The following EGR3 variants were observed in gnomAD, a reference collection of about 807,000 sequenced individuals.
EGR3 encodes the protein early growth response protein 3.
A neutral mutation model predicts 22.4 loss-of-function variants in EGR3; 4 were observed. The ratio of observed to expected loss-of-function variants is 0.18; its 90% confidence interval spans 0.09 to 0.41. EGR3 has a LOEUF of 0.41. Among genes scored for constraint, EGR3 ranks in the 10% least tolerant of loss-of-function variants. The probability of loss-of-function intolerance (pLI) is 1.00; values close to 1 mark genes in which losing one functional copy is unlikely to be tolerated. For missense variants in EGR3, 315 were observed against 541.3 expected (o/e 0.58, Z 4.15); for synonymous variants, 219 against 226.8 (o/e 0.97, Z 0.31).
intron 1 of EGR3, 83 bp from the exon 2 acceptor site, chr8:22,691,565 G>A: frequency 9.1e-6 from 14 of 1,538,024 alleles, no homozygotes; most frequent in Non-Finnish European, 1.2e-5. Flanking sequence ...TTGCCCAGGT[G>A]CGGAGGGTGC....
chr8:22,693,016 G>A lies in EGR3; in HGVS notation c.-72C>T. The A allele has an allele frequency of 1.3e-6, 2 of 1,514,988 alleles. No homozygotes were observed. The highest frequency in any genetic ancestry group is 8.8e-7 in the Non-Finnish European group (1 of 1,132,314). 93.8% of individuals were successfully genotyped at this position (1,514,988 alleles called of 1,614,324 possible). On this transcript the variant is annotated 5_prime_UTR_variant, in exon 1 of 2. Coordinates refer to ENST00000317216, the MANE Select transcript of EGR3 (RefSeq NM_004430.3). ...CGCTCGCTCCTAACGCAGCTTCCAG[G>A]CAAGCGGCATCCGAGAGGCGATCCG...
chr8:22,691,930 T>TCGG, intron 1 of EGR3: 1 of 1,232,238 alleles, frequency 8.1e-7, no homozygotes, highest in Non-Finnish European at 1.0e-6. Flanking sequence ...TCCCCGGCGA[T>TCGG]GCCCCCCACG....
chr8:22,692,519 C>G lies in EGR3; in HGVS notation c.154+272G>C. 2.1e-6 allele frequency: 3 copies of G among 1,425,730 alleles called. No homozygotes were observed. The highest frequency in any genetic ancestry group is 2.7e-6 in the Non-Finnish European group (3 of 1,094,044). The allele number at this position is 1,425,730 out of a possible 1,614,324, so 88.3% of individuals were successfully genotyped here. ...CCTACCTCCCTCCGGTCGGCGGCTG[C>G]CCCCACCCGGGAGAACCGAAGCCTC... is the stretch of plus-strand genomic sequence containing the variant. On this transcript the variant is annotated intron_variant, in intron 1 of 1. Coordinates refer to ENST00000317216, the MANE Select transcript of EGR3 (RefSeq NM_004430.3). This position sits in a 1 kb window ranked among gnomAD's most constrained non-coding sequence, Gnocchi z 6.2.
chr8:22,690,095 G>T lies in EGR3; in HGVS notation c.*378C>A. 3.8e-6 allele frequency: 1 copy of T among 262,772 alleles called. No individual in the cohort carries two copies. The highest frequency in any genetic ancestry group is 7.2e-6 in the Non-Finnish European group (1 of 138,056). 16.3% of individuals were successfully genotyped at this position (262,772 alleles called of 1,614,324 possible). ...AGGGGGTATAGAGGGAGACGTGGGGGAAACAATGAGGTGTTTGGGTCGGGC... is the reference window on the plus strand; with the variant it reads ...AGGGGGTATAGAGGGAGACGTGGGGTAAACAATGAGGTGTTTGGGTCGGGC... On this transcript the variant is annotated 3_prime_UTR_variant, in exon 2 of 2. Transcript: ENST00000317216.
rs1804004662 is a variant in EGR3 at position 22,692,456 on chromosome 8, C to T, written c.154+335G>A. ...CTTGCGCGTAGCCCGGCGATCGGGC[C>T]CCCTGCGTGGTGAGGGAGAACCCCA... On this transcript the variant is annotated intron_variant, in intron 1 of 1. Coordinates refer to ENST00000317216, the MANE Select transcript of EGR3 (RefSeq NM_004430.3). This position sits in a 1 kb window ranked among gnomAD's most constrained non-coding sequence, Gnocchi z 6.2. 7.0e-7 allele frequency: 1 copy of T among 1,423,536 alleles called. No individual in the cohort carries two copies. Among genetic ancestry groups the T allele is most frequent in the Non-Finnish European group, 9.1e-7 (1 of 1,093,616 alleles). The allele number at this position is 1,423,536 out of a possible 1,614,324, so 88.2% of individuals were successfully genotyped here. A position where few individuals can be genotyped will look rare whatever the true frequency, so the allele number is the denominator to read the frequency against.
rs1228159709 is a variant in EGR3, at chr8:22,690,497, G to T, written c.1140C>A (p.Ala380=). 1.9e-6 allele frequency: 3 copies of T among 1,608,200 alleles called. No homozygotes were observed. Among genetic ancestry groups the T allele is most frequent in the Non-Finnish European group, 2.5e-6 (3 of 1,176,940 alleles). The change falls in exon 2 of 2, where the codon GCC becomes GCA. Residue 380 remains alanine (A), a synonymous_variant. Transcript: ENST00000317216. ...CTCAGGCGCAGGTGGTGACCACGGG[G>T]GCCAGCGACACGGGGGGCGCCGAGG... The part of the protein sequence containing the change: ...SASSAPPVSL[A]PVVTTCA
intron 1 of EGR3, 157 bp from the exon 2 acceptor site, chr8:22,691,639 T>C: frequency 1.0e-6 from 1 of 962,700 alleles, no homozygotes. Flanking sequence ...AAGCGGGCGG[T>C]GCCGCGCTCC....
Position 22,691,436 on chromosome 8 carries a change from T to C in EGR3, c.201A>G (p.Glu67=), listed in dbSNP as rs755521039. The change falls in exon 2 of 2, where the codon GAA becomes GAG. Residue 67 remains glutamate, a synonymous_variant. Transcript: ENST00000317216. ...GCTGGAAGGAGCCGGAGTAAGAGAGTTCCGGGTTGGGCTTCTCGTTGGTCA... is the reference window on the plus strand; with the variant it reads ...GCTGGAAGGAGCCGGAGTAAGAGAGCTCCGGGTTGGGCTTCTCGTTGGTCA... The part of the protein sequence containing the change: ...IGLTNEKPNP[E]LSYSGSFQPA... 6.2e-7 allele frequency: 1 copy of C among 1,613,690 alleles called. No homozygotes were observed. Among genetic ancestry groups the C allele is most frequent in the East Asian group, 2.2e-5 (1 of 44,840 alleles).
chr8:22,691,900 C>A, intron 1 of EGR3: 1 of 1,229,920 alleles, frequency 8.1e-7, no homozygotes, highest in Non-Finnish European at 1.0e-6. Flanking sequence ...CTGTCCGCTC[C>A]AGGACGCCGC....
In EGR3 at chr8:22,692,247, GTC is replaced by G; in HGVS notation, c.154+542_154+543del. 2.1e-6 allele frequency: 3 copies of G among 1,442,478 alleles called. No individual in the cohort carries two copies. The highest frequency in any genetic ancestry group is 9.1e-7 in the Non-Finnish European group (1 of 1,100,928). 89.4% of individuals were successfully genotyped at this position (1,442,478 alleles called of 1,614,324 possible). ...GGTGAACCCCCTCCTTCTCCCCGCCGTCCCCACACCCCCACGGCTTTGCTGAA... is the reference window on the plus strand; with the variant it reads ...GGTGAACCCCCTCCTTCTCCCCGCCGCCCACACCCCCACGGCTTTGCTGAA... On this transcript the variant is annotated intron_variant, in intron 1 of 1. Transcript: ENST00000317216. The surrounding 1 kb of genome is among the most constrained non-coding windows in gnomAD (Gnocchi z 6.2).
chr8:22,691,256 G>C lies in EGR3; in HGVS notation c.381C>G (p.Ala127=). The change falls in exon 2 of 2, where the codon GCC becomes GCG. Residue 127 remains alanine (A), a synonymous_variant. Coordinates refer to ENST00000317216, the MANE Select transcript of EGR3 (RefSeq NM_004430.3). ...CACCCTGCGGTGGCTGCACCATGCT[G>C]GCCGTGGACGTCTGCGTGCTGAGCG... The part of the protein sequence containing the change: ...SGALSTQTST[A]SMVQPPQGDV... 1 of 1,613,994 alleles carries C rather than the reference G, an allele frequency of 6.2e-7. No homozygotes were observed. Among genetic ancestry groups the C allele is most frequent in the African/African-American group, 1.3e-5 (1 of 75,060 alleles).
chr8:22,690,149 C>T lies in EGR3; in HGVS notation c.*324G>A. 1 of 396,148 alleles carries T rather than the reference C, an allele frequency of 2.5e-6. No homozygotes were observed. Among genetic ancestry groups the T allele is most frequent in the Middle Eastern group, 6.8e-4 (1 of 1,480 alleles). 24.5% of individuals were successfully genotyped at this position (396,148 alleles called of 1,614,324 possible). A position where few individuals can be genotyped will look rare whatever the true frequency, so the allele number is the denominator to read the frequency against. On this transcript the variant is annotated 3_prime_UTR_variant, in exon 2 of 2. Transcript: ENST00000317216. ...GGTTGGATGGGCTCCGCCTTCAGTC[C>T]CTTGCAGGTCCTTGGCGCGGCCCGG...
rs1803815658 is a variant in EGR3, at chr8:22,687,742, AAT to A, written c.*2729_*2730del. The A allele has an allele frequency of 6.6e-6, 1 of 152,668 alleles. No homozygotes were observed. The highest frequency in any genetic ancestry group is 6.5e-5 in the Admixed American group (1 of 15,280). The allele number at this position is 152,668 out of a possible 1,614,324, so 9.5% of individuals were successfully genotyped here. On this transcript the variant is annotated 3_prime_UTR_variant, in exon 2 of 2. Coordinates refer to ENST00000317216, the MANE Select transcript of EGR3 (RefSeq NM_004430.3). This position sits in a 1 kb window ranked among gnomAD's most constrained non-coding sequence, Gnocchi z 4.7. ...AGGCCGGCTGATTGTCAGCAAACAC[AAT>A]ATATTTACTGTATTAGCATTTGCTC...
In EGR3 at chr8:22,693,399, C is replaced by T; in HGVS notation, c.-455G>A. The T allele has an allele frequency of 5.9e-6, 1 of 169,332 alleles. No individual in the cohort carries two copies. Among genetic ancestry groups the T allele is most frequent in the Non-Finnish European group, 1.2e-5 (1 of 82,478 alleles). The allele number at this position is 169,332 out of a possible 1,614,324, so 10.5% of individuals were successfully genotyped here. A position where few individuals can be genotyped will look rare whatever the true frequency, so the allele number is the denominator to read the frequency against. On this transcript the variant is annotated 5_prime_UTR_variant, in exon 1 of 2. Transcript: ENST00000317216. ...CCGCCGCCGCCGCCGCCGCCGCCGC[C>T]TCTGCCGCCGCTGCCGCCGCTGCTA...
rs1803995777 is a variant in EGR3 at position 22,692,222 on chromosome 8, G to A, written c.154+569C>T. On this transcript the variant is annotated intron_variant, in intron 1 of 1. Coordinates refer to ENST00000317216, the MANE Select transcript of EGR3 (RefSeq NM_004430.3). This position sits in a 1 kb window ranked among gnomAD's most constrained non-coding sequence, Gnocchi z 6.2. ...CCCCGTGGCAGGCCCTCGCCCCGCG[G>A]GTGAACCCCCTCCTTCTCCCCGCCG... 1 of 1,439,546 alleles carries A rather than the reference G, an allele frequency of 6.9e-7. No individual in the cohort carries two copies. The highest frequency in any genetic ancestry group is 2.8e-5 in the East Asian group (1 of 35,128). The allele number at this position is 1,439,546 out of a possible 1,614,324, so 89.2% of individuals were successfully genotyped here.
rs770711526 is a variant in EGR3 at position 22,692,676 on chromosome 8, C to CCCAT, written c.154+111_154+114dup. 0.048 allele frequency: 65,299 copies of CCCAT among 1,373,034 alleles called. 1,733 individuals carry two copies. The highest frequency in any genetic ancestry group is 0.1 in the African/African-American group (6,657 of 66,728). 85.1% of individuals were successfully genotyped at this position (1,373,034 alleles called of 1,614,324 possible). A position where few individuals can be genotyped will look rare whatever the true frequency, so the allele number is the denominator to read the frequency against. ...ATCCATTTATCTATCCACCCATCCA[C>CCCAT]CCATCCATCCATCCATCCATCCATC... On this transcript the variant is annotated intron_variant, in intron 1 of 1. Transcript: ENST00000317216. This position sits in a 1 kb window ranked among gnomAD's most constrained non-coding sequence, Gnocchi z 6.2.
Position 22,692,849 on chromosome 8 carries a change from C to A in EGR3, c.96G>T (p.Ala32=). Residue 32 remains alanine (A), a synonymous_variant, in exon 1 of 2, where the codon GCG becomes GCT. Coordinates refer to ENST00000317216, the MANE Select transcript of EGR3 (RefSeq NM_004430.3). The surrounding 1 kb of genome is among the most constrained non-coding windows in gnomAD (Gnocchi z 6.2). The part of the protein sequence containing the change: ...DNLYPEEIPS[A]LNLFSGSSDS... ...CGCTGCTGCCGGAGAAGAGGTTGAG[C>A]GCGCTGGGGATCTCCTCGGGGTACA... is the stretch of plus-strand genomic sequence containing the variant. The A allele has an allele frequency of 6.2e-7, 1 of 1,613,434 alleles. No individual in the cohort carries two copies. The highest frequency in any genetic ancestry group is 8.5e-7 in the Non-Finnish European group (1 of 1,179,854).
chr8:22,691,269 T>C lies in EGR3; in HGVS notation c.368A>G (p.Gln123Arg). The change falls in exon 2 of 2, where the codon CAG (glutamine) becomes CGG (arginine). Residue 123 changes from glutamine (Q) to arginine (R), a missense_variant. Gln to Arg is a conservative substitution (Grantham distance 43). Transcript: ENST00000317216. ...CTGCACCATGCTGGCCGTGGACGTCTGCGTGCTGAGCGCCCCTGAAGCCGG... is the reference window on the plus strand; with the variant it reads ...CTGCACCATGCTGGCCGTGGACGTCCGCGTGCTGAGCGCCCCTGAAGCCGG... ...VPPASGALST[Q>R]TSTASMVQPP... The C allele has an allele frequency of 6.2e-7, 1 of 1,613,994 alleles. No homozygotes were observed. The highest frequency in any genetic ancestry group is 8.5e-7 in the Non-Finnish European group (1 of 1,179,996).
Position 22,692,055 on chromosome 8 carries a change from C to T in EGR3, c.155-573G>A. 1.5e-6 allele frequency: 2 copies of T among 1,317,620 alleles called. No individual in the cohort carries two copies. The highest frequency in any genetic ancestry group is 3.1e-5 in the East Asian group (1 of 32,508). The allele number at this position is 1,317,620 out of a possible 1,614,324, so 81.6% of individuals were successfully genotyped here. ...TCACCTACCCCGGCCCCAGCCTCCT[C>T]GGGCATGAAGGAGCTTTAGGCTCTT... is the stretch of plus-strand genomic sequence containing the variant. On this transcript the variant is annotated intron_variant, in intron 1 of 1. Coordinates refer to ENST00000317216, the MANE Select transcript of EGR3 (RefSeq NM_004430.3). This position sits in a 1 kb window ranked among gnomAD's most constrained non-coding sequence, Gnocchi z 6.2.
Sources: allele counts gnomAD v4.1 joint callset, GRCh38; gene constraint gnomAD v4.1.1; non-coding constraint Gnocchi (gnomAD v3.1); transcripts MANE v1.5; gene names NCBI Gene and HGNC (gene_info 2026-07-23, HGNC 2026-07-21).